The following LSG1 variants were observed in gnomAD, a reference collection of about 807,000 sequenced individuals.
LSG1 encodes large subunit GTPase 1 homolog.
A neutral mutation model predicts 82.6 loss-of-function variants in LSG1; 55 were observed. The observed-to-expected ratio is 0.67, with a 90% confidence interval of 0.54 to 0.83. The LOEUF (loss-of-function observed/expected upper bound fraction) is 0.83. Ranked by LOEUF, LSG1 falls within the 40% of genes least tolerant of loss-of-function variation. LSG1 has a pLI of 0.00. For missense variants in LSG1, 809 were observed against 807.9 expected (o/e 1.00, Z -0.02); for synonymous variants, 272 against 282.5 (o/e 0.96, Z 0.37).
intron 1 of LSG1, among the ~76,000 whole-genome samples, chr3:194,671,483 A>G (rs1321951330): frequency 6.6e-6 from 1 of 152,150 alleles, no homozygotes; most frequent in African/African-American, 2.4e-5. Flanking sequence ...GGGGGAATGA[A>G]TGGTGAAAAT....
At chr3:194,643,517 G>A (rs1718442378) in intron 13 of LSG1, among the ~76,000 whole-genome samples, 1 of 152,108 alleles carries the variant, frequency 6.6e-6, no homozygotes, top group African/African-American at 2.4e-5. Flanking sequence ...CATGTATTAG[G>A]ATGGCTAAAA....
At chr3:194,658,843 A>G (rs1004326134) in intron 7 of LSG1, 114 bp downstream of exon 7, 37 of 1,097,416 alleles carry the variant, frequency 3.4e-5, no homozygotes, top group Non-Finnish European at 4.6e-5. Context: ...CACAGAGGAA[A>G]AACTCTAATT....
chr3:194,663,208 C>G (rs1490145422), intron 5 of LSG1, among the ~76,000 whole-genome samples: 2 of 152,206 alleles, frequency 1.3e-5, no homozygotes, highest in African/African-American at 4.8e-5. Flanking sequence ...CAGGAGTACA[C>G]AGCATCAACT....
Position 194,668,179 on chromosome 3 carries a change from C to T in LSG1, c.227-1607G>A, listed in dbSNP as rs1719071976. Among the ~76,000 whole-genome samples, 3 of 151,878 alleles carry T rather than the reference C, an allele frequency of 2.0e-5. No homozygotes were observed. In the South Asian group the frequency reaches 6.2e-4, roughly 31 times the overall value. On this transcript the variant is annotated intron_variant, in intron 2 of 13. Transcript: ENST00000265245. ...AATCATCTACTTTCTGTAGATTTGC[C>T]TCTTTAGGACTTTTTGGTGTTTCCA...
At chr3:194,667,942 AATATATATATATAT>A (rs763693435) in intron 2 of LSG1, among the ~76,000 whole-genome samples, 1 of 86,962 alleles carries the variant, frequency 1.1e-5, no homozygotes, top group African/African-American at 4.8e-5. Context: ...AAAAAAAAAA[AATATATATATATAT>A]ATATATATAT....
chr3:194,647,029 C>T (rs1705988), intron 11 of LSG1, among the ~76,000 whole-genome samples: 8,845 of 152,228 alleles, frequency 0.058, 309 homozygotes, highest in Middle Eastern at 0.15. Context: ...AGACAGGCTG[C>T]GTTCAAAACT....
intron 5 of LSG1, 54 bp downstream of exon 5, chr3:194,665,503 C>A (rs568638950): frequency 2.2e-6 from 3 of 1,336,574 alleles, no homozygotes; most frequent in South Asian, 2.5e-5. Flanking sequence ...ACAGCCAAAT[C>A]GAATATAACT....
Position 194,641,776 on chromosome 3 carries a change from G to C in LSG1, c.*292C>G, listed in dbSNP as rs1718392421. 8.6e-6 allele frequency: 2 copies of C among 233,110 alleles called. No individual in the cohort carries two copies. The highest frequency in any genetic ancestry group is 2.3e-5 in the African/African-American group (1 of 43,944). The allele number at this position is 233,110 out of a possible 1,614,324, so 14.4% of individuals were successfully genotyped here. Reference sequence around the variant, plus strand: ...TTACAGGTGCGCGCCACCACGCCTGGCTAATTTTTTTGTATTTTTAGTAGA... The same window carrying C: ...TTACAGGTGCGCGCCACCACGCCTGCCTAATTTTTTTGTATTTTTAGTAGA... On this transcript the variant is annotated 3_prime_UTR_variant, in exon 14 of 14. Coordinates refer to ENST00000265245, the MANE Select transcript of LSG1 (RefSeq NM_018385.3).
Position 194,672,117 on chromosome 3 carries a change from G to T in LSG1, c.46C>A (p.Leu16Ile). 6.2e-7 allele frequency: 1 copy of T among 1,608,874 alleles called. No individual in the cohort carries two copies. ...APAGGSLGRA[L>I]MRHQTQRSRS... ...CTCCGCTGAGTCTGATGGCGCATAAGGGCCCGTCCCAGCGACCCACCGGCC... is the reference window on the plus strand; with the variant it reads ...CTCCGCTGAGTCTGATGGCGCATAATGGCCCGTCCCAGCGACCCACCGGCC... Residue 16 changes from leucine (L) to isoleucine (I), a missense_variant, in exon 1 of 14, where the codon CTT (leucine) becomes ATT (isoleucine). Physicochemically the swap from Leu to Ile is conservative, Grantham distance 5. Coordinates refer to ENST00000265245, the MANE Select transcript of LSG1 (RefSeq NM_018385.3).
At position 194,660,791 on chromosome 3, in the gene LSG1, C is replaced by T. The variant is rs911921459; in HGVS notation, c.522-658G>A. The T allele has an allele frequency of 8.7e-5, 39 of 446,342 alleles. 1 individual carries two copies. The highest frequency in any genetic ancestry group is 5.1e-4 in the Admixed American group (21 of 41,416). The allele number at this position is 446,342 out of a possible 1,614,324, so 27.6% of individuals were successfully genotyped here. A position where few individuals can be genotyped will look rare whatever the true frequency, so the allele number is the denominator to read the frequency against. On this transcript the variant is annotated intron_variant, in intron 5 of 13. Transcript: ENST00000265245. ...ATGGCAAGTCCAACTTCTTCCATCA[C>T]GTATAAGAAAGTACAGCAATAAGAT...
At chr3:194,663,855 G>A (rs112349137) in intron 5 of LSG1, among the ~76,000 whole-genome samples, 15,102 of 146,108 alleles carry the variant, frequency 0.1, 1,931 homozygotes, top group African/African-American at 0.28. Context: ...TGACCTCCCC[G>A]CATCCCAGCC....
intron 11 of LSG1, 101 bp from the exon 12 acceptor site, chr3:194,646,344 G>C: frequency 1.2e-6 from 1 of 828,886 alleles, no homozygotes; most frequent in South Asian, 1.5e-5. Flanking sequence ...TCTTACTCTT[G>C]GATTTTAAAA....
intron 6 of LSG1, 26 bp downstream of exon 6, chr3:194,660,047 T>C: frequency 1.1e-5 from 17 of 1,601,406 alleles, no homozygotes; most frequent in Non-Finnish European, 1.5e-5. Context: ...AGGACTGATG[T>C]TTGAATTTTG....
chr3:194,644,387 TA>T (rs1343493514), intron 13 of LSG1, among the ~76,000 whole-genome samples, 185 bp downstream of exon 13: 1 of 56,058 alleles, frequency 1.8e-5, no homozygotes. Context: ...AAAATAAAAA[TA>T]AATAAATAAA....
At position 194,666,978 on chromosome 3, in the gene LSG1, C is replaced by G. The variant is rs141890193; in HGVS notation, c.227-406G>C. Among the ~76,000 whole-genome samples the G allele has an allele frequency of 4.2e-4, 64 of 152,292 alleles. No individual in the cohort carries two copies. The South Asian group carries it at 5.0e-3, about 12-fold the overall frequency. ...GGCCAGGAATCTGTATGAAAGAGTT[C>G]TCCGGGCAATTCTGCTGCTCTGGGG... On this transcript the variant is annotated intron_variant, in intron 2 of 13. Transcript: ENST00000265245.
intron 2 of LSG1, among the ~76,000 whole-genome samples, chr3:194,667,655 G>A (rs1233588830): frequency 6.6e-6 from 1 of 151,730 alleles, no homozygotes; most frequent in African/African-American, 2.4e-5. Flanking sequence ...CAGGTGCGGT[G>A]GCTCACGTCT....
At chr3:194,650,163 C>T (rs559493510) in intron 10 of LSG1, among the ~76,000 whole-genome samples, 1 of 152,318 alleles carries the variant, frequency 6.6e-6, no homozygotes, top group East Asian at 1.9e-4. Context: ...AAGTGATCCG[C>T]CTGCCACAGC....
At position 194,659,035 on chromosome 3, in the gene LSG1, C is replaced by T; in HGVS notation, c.681G>A (p.Met227Ile). ...CCTTCACATCTTCTTTTTCGAAGTA[C>T]ATGGCCCAGGCACTCCGCTGCTCAG... Reference protein sequence around the residue: ...LTAEQRSAWAMYFEKEDVKVI... With the variant: ...LTAEQRSAWAIYFEKEDVKVI... Residue 227 changes from methionine (M) to isoleucine (I), a missense_variant, in exon 7 of 14, where the codon ATG becomes ATA. Met to Ile is a conservative substitution (Grantham distance 10, BLOSUM62 1). Coordinates refer to ENST00000265245, the MANE Select transcript of LSG1 (RefSeq NM_018385.3). 1.2e-6 allele frequency: 2 copies of T among 1,614,212 alleles called. No homozygotes were observed. The highest frequency in any genetic ancestry group is 1.1e-5 in the South Asian group (1 of 91,084).
Position 194,642,255 on chromosome 3 carries a change from A to G in LSG1, c.1798-8T>C, listed in dbSNP as rs200200368. 3.3e-4 allele frequency: 525 copies of G among 1,609,806 alleles called. 1 individual carries two copies. Among genetic ancestry groups the G allele is most frequent in the Middle Eastern group, 5.0e-4 (3 of 6,026 alleles). The stretch of plus-strand genomic sequence containing the variant: ...CAAAGCCCTCACATTCTCCTAGGAA[A>G]TAAGAGAAAACATTATCTGAGCTGT... On this transcript the variant is annotated splice_region_variant and splice_polypyrimidine_tract_variant and intron_variant, in intron 13 of 13. Coordinates refer to ENST00000265245, the MANE Select transcript of LSG1 (RefSeq NM_018385.3).
Sources: allele counts gnomAD v4.1 joint callset (sites outside exome capture counted in the v4.1 genomes callset), GRCh38; gene constraint gnomAD v4.1.1; transcripts MANE v1.5; gene names NCBI Gene and HGNC (gene_info 2026-07-23, HGNC 2026-07-21).